Variants in DPP10 observed in about 807,000 individuals in gnomAD.
DPP10 encodes the protein dipeptidyl peptidase like 10.
A neutral mutation model predicts 120.9 loss-of-function variants in DPP10; 33 were observed. That is an observed-to-expected ratio of 0.27 (90% CI 0.21 to 0.37). The LOEUF is 0.37. Ranked by LOEUF, DPP10 falls within the 10% of genes least tolerant of loss-of-function variation. DPP10 has a pLI of 1.00. For synonymous variants in DPP10, 337 were observed against 326.1 expected, an observed-to-expected ratio of 1.03 and a Z score of -0.36; for missense variants, 816 against 942.8, an observed-to-expected ratio of 0.87 and a Z score of 1.76.
intron 1 of DPP10, among the ~76,000 whole-genome samples, chr2:114,865,969 G>C (rs1048042686): frequency 6.6e-6 from 1 of 151,978 alleles, no homozygotes; most frequent in Middle Eastern, 3.4e-3. Flanking sequence ...AAAATTAGCC[G>C]GGCGTGGTCG....
chr2:114,533,066 A>G (rs1275611536), intron 1 of DPP10, among the ~76,000 whole-genome samples: 1 of 152,198 alleles, frequency 6.6e-6, no homozygotes, highest in Non-Finnish European at 1.5e-5. Context: ...CAGACCAGCT[A>G]CTATTGAGAA....
chr2:114,667,113 A>G (rs2105601591), intron 1 of DPP10, among the ~76,000 whole-genome samples: 1 of 152,304 alleles, frequency 6.6e-6, no homozygotes, highest in Admixed American at 6.5e-5. Context: ...TGGGCTCCAA[A>G]ATAAGGCCTG....
chr2:115,089,006 G>A (rs6721777), intron 1 of DPP10, among the ~76,000 whole-genome samples: 1 of 151,962 alleles, frequency 6.6e-6, no homozygotes, highest in Non-Finnish European at 1.5e-5. Flanking sequence ...CTCATCCTCA[G>A]AGTAACATCC....
chr2:115,485,681 TATGTC>T (rs2075734631), intron 3 of DPP10, among the ~76,000 whole-genome samples: 2 of 152,106 alleles, frequency 1.3e-5, no homozygotes. Flanking sequence ...AAGGTAAAGT[TATGTC>T]ATTATGCATT....
At chr2:114,627,310 T>A (rs1198031937) in intron 1 of DPP10, among the ~76,000 whole-genome samples, 1 of 152,128 alleles carries the variant, frequency 6.6e-6, no homozygotes, top group African/African-American at 2.4e-5. Context: ...CCAGATCCAT[T>A]TCTTCTCAAA....
At chr2:115,773,327 T>A (rs1314122766) in intron 13 of DPP10, among the ~76,000 whole-genome samples, 1 of 152,124 alleles carries the variant, frequency 6.6e-6, no homozygotes, top group Non-Finnish European at 1.5e-5. Flanking sequence ...GTTTCCAATT[T>A]GTAAATCGCA....
At chr2:114,576,084 C>A (rs933150663) in intron 1 of DPP10, among the ~76,000 whole-genome samples, 1 of 152,068 alleles carries the variant, frequency 6.6e-6, no homozygotes, top group African/African-American at 2.4e-5. Context: ...TGCTGGTTAC[C>A]CCCAATGTAG....
chr2:114,455,421 TG>T (rs1678516777), intron 1 of DPP10, among the ~76,000 whole-genome samples: 1 of 151,994 alleles, frequency 6.6e-6, no homozygotes, highest in African/African-American at 2.4e-5. Context: ...GTCTCACGCC[TG>T]TAGTCCCAGC....
intron 1 of DPP10, among the ~76,000 whole-genome samples, chr2:114,729,820 A>G (rs915901689): frequency 2.6e-5 from 4 of 152,230 alleles, no homozygotes; most frequent in African/African-American, 9.6e-5. Flanking sequence ...GGTCCTATTT[A>G]TAGCCTCAGT....
At position 115,449,717 on chromosome 2, in the gene DPP10, A is replaced by G. The variant is rs897619510; in HGVS notation, c.272-49793A>G. 3.9e-5 allele frequency among the ~76,000 whole-genome samples: 6 copies of G among 152,106 alleles called. No homozygotes were observed. The East Asian group carries it at 1.2e-3, about 29-fold the overall frequency. On this transcript the variant is annotated intron_variant, in intron 3 of 25. Transcript: ENST00000410059. The stretch of plus-strand genomic sequence containing the variant: ...GCCTTAAGCTCCATATCAAGCTAAC[A>G]TGAATTAGAAAATTATTCCCACACT...
intron 1 of DPP10, among the ~76,000 whole-genome samples, chr2:114,447,728 C>T (rs1309654658): frequency 6.6e-6 from 1 of 152,086 alleles, no homozygotes; most frequent in Admixed American, 6.5e-5. Context: ...CTGATTTCAC[C>T]AGTGAGTTCT....
At chr2:115,546,225 A>C (rs969903604) in intron 5 of DPP10, among the ~76,000 whole-genome samples, 2 of 152,186 alleles carry the variant, frequency 1.3e-5, no homozygotes, top group Non-Finnish European at 2.9e-5. Context: ...CTACTTGATC[A>C]GCTTCCAGCC....
At chr2:114,899,682 G>A (rs1296838285) in intron 1 of DPP10, among the ~76,000 whole-genome samples, 1 of 152,164 alleles carries the variant, frequency 6.6e-6, no homozygotes, top group East Asian at 1.9e-4. Flanking sequence ...TTAGGGCCAG[G>A]CGCGGTGGCT....
intron 1 of DPP10, among the ~76,000 whole-genome samples, chr2:114,802,636 C>T (rs985925667): frequency 6.6e-6 from 1 of 152,086 alleles, no homozygotes; most frequent in Non-Finnish European, 1.5e-5. Flanking sequence ...TCAACGAGCT[C>T]TCAAGGGAAA....
At chr2:114,967,669 G>A (rs768298492) in intron 1 of DPP10, among the ~76,000 whole-genome samples, 1 of 152,206 alleles carries the variant, frequency 6.6e-6, no homozygotes, top group Non-Finnish European at 1.5e-5. Context: ...ATAAATCCCA[G>A]GGAGGTATGT....
At chr2:115,408,102 G>T (rs560238445) in intron 3 of DPP10, among the ~76,000 whole-genome samples, 13 of 152,012 alleles carry the variant, frequency 8.6e-5, no homozygotes, top group Non-Finnish European at 1.5e-4. Flanking sequence ...ACGACAGGGT[G>T]CCATCCATGG....
chr2:115,180,737 G>T (rs552634187), intron 1 of DPP10, among the ~76,000 whole-genome samples: 1 of 152,310 alleles, frequency 6.6e-6, no homozygotes, highest in African/African-American at 2.4e-5. Flanking sequence ...TAGATACCCA[G>T]ACTGATGCTC....
intron 1 of DPP10, among the ~76,000 whole-genome samples, chr2:114,695,030 C>G (rs1451101592): frequency 2.6e-5 from 4 of 151,978 alleles, no homozygotes; most frequent in Admixed American, 6.6e-5. Context: ...CCTAGTTATG[C>G]TGATGAGCTT....
chr2:115,476,972 G>A (rs770676459), intron 3 of DPP10, among the ~76,000 whole-genome samples: 8 of 151,998 alleles, frequency 5.3e-5, no homozygotes, highest in Non-Finnish European at 1.0e-4. Context: ...ATACCCTTTC[G>A]TGATGAAAAC....
Sources: allele counts gnomAD v4.1 joint callset (sites outside exome capture counted in the v4.1 genomes callset), GRCh38; gene constraint gnomAD v4.1.1; transcripts MANE v1.5; gene names NCBI Gene and HGNC (gene_info 2026-07-23, HGNC 2026-07-21).